The following TCF4 variants were observed in gnomAD, a reference collection of about 807,000 sequenced individuals.
The protein encoded by TCF4 is transcription factor 4.
A neutral mutation model predicts 82.1 loss-of-function variants in TCF4; 3 were observed. The ratio of observed to expected loss-of-function variants is 0.04; its 90% CI spans 0.02 to 0.09. The LOEUF (loss-of-function observed/expected upper bound fraction) is 0.09, where lower values mean the gene tolerates loss of function less well. TCF4 is among the 10% of genes least tolerant of loss of function. The pLI is 1.00. For missense variants in TCF4, 518 were observed against 852.7 expected, an observed-to-expected ratio of 0.61 and a Z score of 4.89; for synonymous variants, 276 against 309.6, an observed-to-expected ratio of 0.89 and a Z score of 1.14.
At chr18:55,444,286 A>T (rs1308857454) in intron 5 of TCF4, among the ~76,000 whole-genome samples, 1 of 152,216 alleles carries the variant, frequency 6.6e-6, no homozygotes, top group East Asian at 1.9e-4. Context: ...GAATGTATAC[A>T]TGGAATCTTA....
chr18:55,269,744 T>C, intron 11 of TCF4, 87 bp downstream of exon 11: 4 of 1,548,452 alleles, frequency 2.6e-6, no homozygotes, highest in Non-Finnish European at 3.6e-6. Flanking sequence ...CTAATTGCTA[T>C]TCAGTTATGA....
chr18:55,569,681 T>G (rs1360286061), intron 3 of TCF4, among the ~76,000 whole-genome samples: 1 of 151,402 alleles, frequency 6.6e-6, no homozygotes, highest in African/African-American at 2.4e-5. Flanking sequence ...CATCAGAAAA[T>G]GTAAAACTTC....
At chr18:55,373,557 A>C (rs2089925803) in intron 6 of TCF4, among the ~76,000 whole-genome samples, 1 of 152,180 alleles carries the variant, frequency 6.6e-6, no homozygotes, top group Non-Finnish European at 1.5e-5. Context: ...TCACGCCTGT[A>C]ATCCCAGCAG....
At chr18:55,540,413 G>A (rs569005865) in intron 3 of TCF4, among the ~76,000 whole-genome samples, 36 of 152,182 alleles carry the variant, frequency 2.4e-4, no homozygotes, top group Non-Finnish European at 4.7e-4. Context: ...ACATGAACTT[G>A]ATGACATCTA....
intron 6 of TCF4, among the ~76,000 whole-genome samples, chr18:55,364,776 A>C (rs73490853): frequency 0.052 from 7,881 of 152,294 alleles, 268 homozygotes; most frequent in African/African-American, 0.097. Flanking sequence ...AGACAAGACC[A>C]CTTGACTGAT....
At chr18:55,385,527 G>A (rs181916569) in intron 6 of TCF4, among the ~76,000 whole-genome samples, 9 of 152,178 alleles carry the variant, frequency 5.9e-5, no homozygotes, top group East Asian at 3.9e-4. Flanking sequence ...TCAGCATCCC[G>A]AGTAACTAGG....
intron 8 of TCF4, among the ~76,000 whole-genome samples, chr18:55,349,780 C>G (rs1486444298): frequency 6.6e-6 from 1 of 152,068 alleles, no homozygotes; most frequent in African/African-American, 2.4e-5. Flanking sequence ...GCAACTTCTG[C>G]ATAGAGCTCC....
chr18:55,612,545 G>GA (rs540422131), intron 2 of TCF4, among the ~76,000 whole-genome samples: 61 of 149,332 alleles, frequency 4.1e-4, no homozygotes, highest in South Asian at 1.9e-3. Context: ...TTGTTGTAAT[G>GA]AAAAAAAAAC....
intron 8 of TCF4, chr18:55,321,483 A>C: frequency 1.1e-6 from 1 of 886,436 alleles, no homozygotes; most frequent in Non-Finnish European, 1.7e-6. Context: ...TGGGGGGAAA[A>C]AAAGACGAAG....
chr18:55,530,532 G>GC (rs2097048881), intron 3 of TCF4, among the ~76,000 whole-genome samples: 1 of 118,242 alleles, frequency 8.5e-6, no homozygotes, highest in Non-Finnish European at 1.7e-5. Context: ...TTATGCGGGG[G>GC]CTCTGAAGGA....
chr18:55,385,615 G>A (rs933882478), intron 6 of TCF4, among the ~76,000 whole-genome samples: 3 of 152,120 alleles, frequency 2.0e-5, no homozygotes, highest in Admixed American at 1.3e-4. Flanking sequence ...TGGCCAGGCC[G>A]GTCTCGAACT....
At chr18:55,425,043 A>C (rs959301874) in intron 5 of TCF4, among the ~76,000 whole-genome samples, 1 of 152,240 alleles carries the variant, frequency 6.6e-6, no homozygotes, top group African/African-American at 2.4e-5. Flanking sequence ...GAAAATTTAC[A>C]CTAAGAACAA....
chr18:55,238,441 G>A (rs1340619775), intron 15 of TCF4, among the ~76,000 whole-genome samples: 1 of 152,246 alleles, frequency 6.6e-6, no homozygotes, highest in African/African-American at 2.4e-5. Flanking sequence ...CTGTCACTTT[G>A]GGAGACACTG....
At position 55,585,296 on chromosome 18, in the gene TCF4, T is replaced by A. The variant is rs1568462703; in HGVS notation, c.129A>T (p.Gly43=). 4 of 1,614,006 alleles carry A rather than the reference T, an allele frequency of 2.5e-6. No individual in the cohort carries two copies. The highest frequency in any genetic ancestry group is 3.4e-6 in the Non-Finnish European group (4 of 1,179,912). Residue 43 remains glycine (G), a synonymous_variant, in exon 3 of 20, where the codon GGA becomes GGT. Coordinates refer to ENST00000354452, the MANE Select transcript of TCF4 (RefSeq NM_001083962.2). ...TTTACATACTTGAGCCAGTAAAATG[T>A]CCACTTGCCAAAGAAGTTGGTCCAT... The part of the protein sequence containing the change: ...GKNGPTSLAS[G]HFTGSNVEDR...
chr18:55,403,310 T>C lies in TCF4; in HGVS notation c.369+144A>G, dbSNP rs1306522207. On this transcript the variant is annotated intron_variant, in intron 6 of 19. Transcript: ENST00000354452. ...TTATTAGTTCTAAGCTCTGTGTTAT[T>C]TCATTACTTAAAGAGAGAGCCATCA... 6.6e-6 allele frequency: 6 copies of C among 911,596 alleles called. No homozygotes were observed. The African/African-American group carries it at 9.8e-5, about 15-fold the overall frequency. The allele number at this position is 911,596 out of a possible 1,614,324, so 56.5% of individuals were successfully genotyped here.
At chr18:55,381,735 C>A (rs76828163) in intron 6 of TCF4, among the ~76,000 whole-genome samples, 4,213 of 150,896 alleles carry the variant, frequency 0.028, 193 homozygotes, top group African/African-American at 0.095. Context: ...ATACTCAATC[C>A]CGCTTTCATT....
At chr18:55,554,336 A>G (rs987451288) in intron 3 of TCF4, among the ~76,000 whole-genome samples, 5 of 152,192 alleles carry the variant, frequency 3.3e-5, no homozygotes, top group African/African-American at 1.2e-4. Flanking sequence ...AAAAAATTTA[A>G]TTTATTAATA....
intron 3 of TCF4, among the ~76,000 whole-genome samples, chr18:55,469,941 C>T (rs1428415343): frequency 6.6e-6 from 1 of 152,088 alleles, no homozygotes; most frequent in Non-Finnish European, 1.5e-5. Context: ...GACAAGATAA[C>T]AAGGAATCAG....
chr18:55,569,445 T>C (rs1444413480), intron 3 of TCF4, among the ~76,000 whole-genome samples: 1 of 152,116 alleles, frequency 6.6e-6, no homozygotes, highest in Non-Finnish European at 1.5e-5. Flanking sequence ...CTTGGGAGGC[T>C]GAGGCAAGAG....
Sources: allele counts gnomAD v4.1 joint callset (sites outside exome capture counted in the v4.1 genomes callset), GRCh38; gene constraint gnomAD v4.1.1; transcripts MANE v1.5; gene names NCBI Gene and HGNC (gene_info 2026-07-23, HGNC 2026-07-21).